MIA2: variants seen among roughly 807,000 people sequenced by gnomAD.
MIA2 encodes the protein MIA SH3 domain ER export factor 2, also known as melanoma inhibitory activity protein 2.
A neutral mutation model predicts 167.8 loss-of-function variants in MIA2; 127 were observed. The ratio of observed to expected loss-of-function variants is 0.76; its 90% CI spans 0.66 to 0.88. The LOEUF is 0.88. MIA2 is among the 40% of genes least tolerant of loss of function. The pLI, the probability that MIA2 is intolerant of heterozygous loss-of-function variation, is 0.00. For missense variants in MIA2, 1,690 were observed against 1,624.7 expected (o/e 1.04, Z -0.69); for synonymous variants, 552 against 541.9 (o/e 1.02, Z -0.26).
intron 24 of MIA2, among the ~76,000 whole-genome samples, chr14:39,325,001 T>C (rs1193011443): frequency 6.6e-6 from 1 of 152,148 alleles, no homozygotes; most frequent in African/African-American, 2.4e-5. Flanking sequence ...GGTGGTGGGA[T>C]TGTTTGAGCC....
At position 39,290,300 on chromosome 14, in the gene MIA2, G is replaced by A. The variant is rs113647936; in HGVS notation, c.2131-719G>A. Among the ~76,000 whole-genome samples, 659 of 152,082 alleles carry A rather than the reference G, an allele frequency of 4.3e-3. 5 individuals carry two copies. The highest frequency in any genetic ancestry group is 0.015 in the African/African-American group (605 of 41,482). ...CTCACAAATTCTCACTGTTTTGATA[G>A]CTCTCTGAGGCTTTCAGACAGATAT... On this transcript the variant is annotated intron_variant, in intron 9 of 28. Coordinates refer to ENST00000640607, the MANE Select transcript of MIA2 (RefSeq NM_001329214.4).
rs11283454 is a variant in MIA2, at chr14:39,298,538, T to G, written c.2497-1326T>G. Among the ~76,000 whole-genome samples the G allele has an allele frequency of 8.2e-3, 18 of 2,194 alleles. 1 individual carries two copies. Among genetic ancestry groups the G allele is most frequent in the Non-Finnish European group, 0.017 (15 of 902 alleles). The allele number at this position is 2,194 out of a possible 152,430, so 1.4% of individuals were successfully genotyped here. A position where few individuals can be genotyped will look rare whatever the true frequency, so the allele number is the denominator to read the frequency against. ...CTGTTTGGTAGAACAGAGTTTTTTT[T>G]TTTTTTTTTTTTTTTTGTGAGCAAC... On this transcript the variant is annotated intron_variant, in intron 13 of 28. Transcript: ENST00000640607.
intron 23 of MIA2, among the ~76,000 whole-genome samples, chr14:39,380,667 T>C (rs2075138236): frequency 1.6e-5 from 2 of 123,830 alleles, no homozygotes; most frequent in Admixed American, 2.1e-4. Flanking sequence ...CACTCCAGCC[T>C]GGCGACAGAG....
chr14:39,253,626 A>G (rs1470254455), intron 6 of MIA2: 3 of 143,422 alleles, frequency 2.1e-5, no homozygotes, highest in Non-Finnish European at 4.4e-5. Flanking sequence ...ACATAGCTAG[A>G]CCTTATCTCT....
chr14:39,267,298 C>T, intron 6 of MIA2: 2 of 1,468,142 alleles, frequency 1.4e-6, no homozygotes, highest in African/African-American at 1.4e-5. Context: ...CCTGCGGGTG[C>T]CCCTGTCCCC....
chr14:39,263,146 G>A (rs1283757850), intron 6 of MIA2, among the ~76,000 whole-genome samples: 4 of 152,120 alleles, frequency 2.6e-5, no homozygotes, highest in African/African-American at 9.7e-5. Flanking sequence ...GATATTGGCT[G>A]TGGGTTTGTC....
chr14:39,324,618 T>TTA (rs1257016475), intron 24 of MIA2, among the ~76,000 whole-genome samples: 62 of 152,222 alleles, frequency 4.1e-4, no homozygotes, highest in African/African-American at 1.4e-3. Context: ...TTTTTTATTT[T>TTA]TTTTTTTTGA....
At chr14:39,252,678 G>T (rs2054633378) in intron 4 of MIA2, 70 bp from the exon 5 acceptor site, 1 of 1,222,892 alleles carries the variant, frequency 8.2e-7, no homozygotes, top group African/African-American at 1.5e-5. Flanking sequence ...GACCTGCCTA[G>T]AAAACAAAAG....
Position 39,297,691 on chromosome 14 carries a change from G to GTGTGTGTGTGTGTT in MIA2, c.2497-2166_2497-2165insGTGTGTTTGTGTGT, listed in dbSNP as rs1434880963. On this transcript the variant is annotated intron_variant, in intron 13 of 28. Transcript: ENST00000640607. Reference sequence around the variant, plus strand: ...CGTGTGTGTGTGTGTGTGTGTGTGTGTGTGTGTTTGTGTGTGTGAAAGAGA... The same window carrying GTGTGTGTGTGTGTT: ...CGTGTGTGTGTGTGTGTGTGTGTGTGTGTGTGTGTGTGTTTGTGTGTTTGTGTGTGTGAAAGAGA... 9.2e-5 allele frequency among the ~76,000 whole-genome samples: 14 copies of GTGTGTGTGTGTGTT among 151,874 alleles called. No homozygotes were observed. In the South Asian group the frequency reaches 2.9e-3, roughly 32 times the overall value.
chr14:39,353,526 A>AT (rs902878582), downstream of MIA2, among the ~76,000 whole-genome samples: 4 of 152,066 alleles, frequency 2.6e-5, no homozygotes, highest in Admixed American at 1.3e-4. Flanking sequence ...ATGTGATTTC[A>AT]TTTTTTATGA....
intron 25 of MIA2, among the ~76,000 whole-genome samples, chr14:39,329,413 A>G (rs1357487892): frequency 6.6e-6 from 1 of 152,198 alleles, no homozygotes; most frequent in Non-Finnish European, 1.5e-5. Flanking sequence ...AACAGAGACA[A>G]CTTGACTTCC....
chr14:39,259,828 G>A (rs1414584111), intron 6 of MIA2, among the ~76,000 whole-genome samples: 4 of 151,060 alleles, frequency 2.6e-5, no homozygotes. Context: ...ATTTACATTA[G>A]GTATCTCTCC....
intron 23 of MIA2, among the ~76,000 whole-genome samples, chr14:39,364,706 G>T (rs1166292287): frequency 7.1e-6 from 1 of 140,454 alleles, no homozygotes; most frequent in Non-Finnish European, 1.6e-5. Context: ...ATTCTTGGCT[G>T]ATAGTTTGTT....
chr14:39,356,705 C>G (rs1315546153), intron 23 of MIA2, among the ~76,000 whole-genome samples: 1 of 152,296 alleles, frequency 6.6e-6, no homozygotes, highest in East Asian at 1.9e-4. Flanking sequence ...ATAAATTTCC[C>G]TCTACACACT....
chr14:39,341,295 C>T (rs1395562212), intron 25 of MIA2, among the ~76,000 whole-genome samples: 2 of 151,220 alleles, frequency 1.3e-5, no homozygotes, highest in East Asian at 1.9e-4. Context: ...GAGTGAGACT[C>T]CCTCTCAAAA....
chr14:39,385,929 G>T, intron 23 of MIA2: 2 of 845,918 alleles, frequency 2.4e-6, no homozygotes, highest in Non-Finnish European at 2.0e-6. Context: ...TTCCTAAACT[G>T]GTGGGGAGAG....
At chr14:39,290,838 G>A (rs1211109757) in intron 9 of MIA2, among the ~76,000 whole-genome samples, 181 bp from the exon 10 acceptor site, 3 of 152,184 alleles carry the variant, frequency 2.0e-5, no homozygotes, top group African/African-American at 7.2e-5. Flanking sequence ...TTTGTGATGT[G>A]TTAGCTGCTC....
At chr14:39,347,618 A>C in intron 26 of MIA2, 95 bp from the exon 27 acceptor site, 11 of 1,260,410 alleles carry the variant, frequency 8.7e-6, no homozygotes, top group South Asian at 1.3e-5. Context: ...TGTGCCAACA[A>C]GGGGAGTGGG....
intron 21 of MIA2, among the ~76,000 whole-genome samples, chr14:39,316,423 T>C (rs2065452663): frequency 6.6e-6 from 1 of 152,214 alleles, no homozygotes; most frequent in Non-Finnish European, 1.5e-5. Context: ...TCATCACCTA[T>C]CATCAGTTTT....
Sources: gnomAD v4.1 joint callset for allele counts (sites outside exome capture counted in the v4.1 genomes callset) on GRCh38, gnomAD v4.1.1 for gene constraint, MANE v1.5 for transcripts, NCBI Gene and HGNC (gene_info 2026-07-23, HGNC 2026-07-21) for gene names.